NEDD4L: variants seen among roughly 807,000 people sequenced by gnomAD.
The protein encoded by NEDD4L is NEDD4 like E3 ubiquitin protein ligase.
NEDD4L carries 54 observed loss-of-function variants against 148.9 expected under a neutral mutation model. The ratio of observed to expected loss-of-function variants is 0.36; its 90% CI spans 0.29 to 0.45. The LOEUF (loss-of-function observed/expected upper bound fraction) is 0.45. NEDD4L is among the 20% of genes least tolerant of loss of function. The pLI, the probability that NEDD4L is intolerant of heterozygous loss-of-function variation, is 1.00. For missense variants in NEDD4L, 856 were observed against 1,233.8 expected, an observed-to-expected ratio of 0.69 and a Z score of 4.59; for synonymous variants, 433 against 440.7, an observed-to-expected ratio of 0.98 and a Z score of 0.22.
intron 1 of NEDD4L, among the ~76,000 whole-genome samples, chr18:58,082,102 A>ATT (rs1192932128): frequency 0.017 from 845 of 48,802 alleles, 18 homozygotes; most frequent in East Asian, 0.036. Flanking sequence ...ATATATATAT[A>ATT]TTTTTTTTTT....
At chr18:58,275,597 G>A (rs1347312567) in intron 5 of NEDD4L, among the ~76,000 whole-genome samples, 1 of 152,200 alleles carries the variant, frequency 6.6e-6, no homozygotes, top group Non-Finnish European at 1.5e-5. Context: ...CTGATACGAG[G>A]CCTTCTTCCA....
intron 1 of NEDD4L, among the ~76,000 whole-genome samples, chr18:58,142,545 A>G (rs2033666922): frequency 6.6e-6 from 1 of 152,202 alleles, no homozygotes; most frequent in South Asian, 2.1e-4. Flanking sequence ...TCCAGACCTC[A>G]GAGGATTGCT....
At chr18:58,057,428 G>A (rs948766864) in intron 1 of NEDD4L, among the ~76,000 whole-genome samples, 6 of 152,144 alleles carry the variant, frequency 3.9e-5, no homozygotes, top group East Asian at 3.9e-4. Flanking sequence ...AGCTGGGAGC[G>A]TTTGCTTTGG....
intron 1 of NEDD4L, among the ~76,000 whole-genome samples, chr18:58,110,273 G>A (rs1241692540): frequency 6.6e-6 from 1 of 152,234 alleles, no homozygotes; most frequent in Non-Finnish European, 1.5e-5. Flanking sequence ...ATCCACATGG[G>A]ATGGAAGGAT....
chr18:58,330,904 G>T lies in NEDD4L; in HGVS notation c.980G>T (p.Ser327Ile). The change falls in exon 11 of 31, where the codon AGC becomes ATC. Residue 327 changes from serine (S) to isoleucine (I), a missense_variant. Around this residue, in one of 4 missense-constraint regions of NEDD4L, gnomAD observed 367 missense variants for 422.7 expected, o/e 0.87. Coordinates refer to ENST00000400345, the MANE Select transcript of NEDD4L (RefSeq NM_001144967.3). Reference protein sequence around the residue: ...ITPDSNGEQFSSLIQREPSSR... With the variant: ...ITPDSNGEQFISLIQREPSSR... ...CCAGACTCCAATGGGGAACAGTTCAGCTCTTTGATTGTAAGTAGTGGCCTT... is the reference window on the plus strand; with the variant it reads ...CCAGACTCCAATGGGGAACAGTTCATCTCTTTGATTGTAAGTAGTGGCCTT... 3 of 1,613,422 alleles carry T rather than the reference G, an allele frequency of 1.9e-6. No individual in the cohort carries two copies. The highest frequency in any genetic ancestry group is 2.5e-6 in the Non-Finnish European group (3 of 1,179,510).
intron 1 of NEDD4L, among the ~76,000 whole-genome samples, chr18:58,135,332 C>T (rs1221281741): frequency 6.6e-6 from 1 of 152,208 alleles, no homozygotes; most frequent in Non-Finnish European, 1.5e-5. Context: ...ACTTTAGCCT[C>T]ATGTGGTAGT....
chr18:58,279,049 T>A (rs904981363), intron 5 of NEDD4L, among the ~76,000 whole-genome samples: 3 of 151,914 alleles, frequency 2.0e-5, no homozygotes, highest in South Asian at 2.1e-4. Flanking sequence ...TTTTTTTTTT[T>A]TTATTATAGT....
At chr18:58,202,303 T>C (rs367778575) in intron 2 of NEDD4L, among the ~76,000 whole-genome samples, 4 of 152,196 alleles carry the variant, frequency 2.6e-5, no homozygotes, top group South Asian at 4.1e-4. Context: ...CAGGTGATAT[T>C]CTTTCTGTTA....
At chr18:58,369,056 G>A (rs997468398) in intron 22 of NEDD4L, among the ~76,000 whole-genome samples, 3 of 152,158 alleles carry the variant, frequency 2.0e-5, no homozygotes, top group Non-Finnish European at 4.4e-5. Context: ...TTTAGCGGGG[G>A]GAAAAGAGAT....
chr18:58,052,480 T>C (rs2081917209), intron 1 of NEDD4L, among the ~76,000 whole-genome samples: 1 of 152,156 alleles, frequency 6.6e-6, no homozygotes, highest in South Asian at 2.1e-4. Flanking sequence ...AGTCCTGCAT[T>C]GATTCAAAAC....
At chr18:58,383,677 CA>C (rs1185011404) in intron 25 of NEDD4L, among the ~76,000 whole-genome samples, 1 of 152,084 alleles carries the variant, frequency 6.6e-6, no homozygotes, top group African/African-American at 2.4e-5. Flanking sequence ...TAGGAACCAA[CA>C]AAGAAAAAAT....
chr18:58,343,061 C>A lies in NEDD4L; in HGVS notation c.1533C>A (p.Gly511=), dbSNP rs779206452. 2.5e-6 allele frequency: 4 copies of A among 1,611,950 alleles called. No individual in the cohort carries two copies. The Admixed American group carries it at 5.0e-5, about 20-fold the overall frequency. The change falls in exon 16 of 31, where the codon GGC becomes GGA. Residue 511 remains glycine (G), a synonymous_variant. Transcript: ENST00000400345. ...GGGAAATGAGGATAGCGCCAAACGG[C>A]CGGCCCTTCTTCATTGATCATAACA... ...PGWEMRIAPN[G]RPFFIDHNTK... is the part of the protein sequence containing the mutation.
chr18:58,331,950 A>C (rs1568730106), intron 11 of NEDD4L, among the ~76,000 whole-genome samples: 1 of 152,256 alleles, frequency 6.6e-6, no homozygotes, highest in Non-Finnish European at 1.5e-5. Flanking sequence ...TGACTTTTTC[A>C]AAAAGAGATG....
intron 5 of NEDD4L, among the ~76,000 whole-genome samples, chr18:58,283,314 G>A (rs1047424157): frequency 5.9e-5 from 9 of 152,116 alleles, no homozygotes; most frequent in Admixed American, 5.2e-4. Flanking sequence ...GACCTCAGGT[G>A]ATCCACCCGC....
rs1468827496 is a variant in NEDD4L, at chr18:58,390,636, C to A, written c.2656-10C>A. On this transcript the variant is annotated splice_polypyrimidine_tract_variant and intron_variant, in intron 28 of 30. Coordinates refer to ENST00000400345, the MANE Select transcript of NEDD4L (RefSeq NM_001144967.3). ...TGGGGGGTATAATGACCTTCTGCCTCTGTTCATAGGCTGTGCTACTCATGG... is the reference window on the plus strand; with the variant it reads ...TGGGGGGTATAATGACCTTCTGCCTATGTTCATAGGCTGTGCTACTCATGG... The A allele has an allele frequency of 1.3e-6, 2 of 1,566,188 alleles. No individual in the cohort carries two copies. Among genetic ancestry groups the A allele is most frequent in the African/African-American group, 1.3e-5 (1 of 74,150 alleles).
intron 1 of NEDD4L, among the ~76,000 whole-genome samples, chr18:58,142,668 C>T (rs1350244060): frequency 2.0e-5 from 3 of 152,166 alleles, no homozygotes; most frequent in South Asian, 2.1e-4. Context: ...GCTGAATGAC[C>T]TGTATGTGTT....
chr18:58,055,796 C>T (rs1212778631), intron 1 of NEDD4L, among the ~76,000 whole-genome samples: 4 of 152,226 alleles, frequency 2.6e-5, no homozygotes, highest in Non-Finnish European at 5.9e-5. Flanking sequence ...TCTGTGCACT[C>T]CAGTTGCGTG....
intron 5 of NEDD4L, among the ~76,000 whole-genome samples, chr18:58,253,956 A>G (rs997372728): frequency 6.6e-6 from 1 of 151,516 alleles, no homozygotes; most frequent in Non-Finnish European, 1.5e-5. Context: ...GGCCATCTGC[A>G]GTGTGGTTAC....
At chr18:58,224,596 C>A (rs189387443) in intron 2 of NEDD4L, among the ~76,000 whole-genome samples, 3 of 152,298 alleles carry the variant, frequency 2.0e-5, no homozygotes, top group African/African-American at 7.2e-5. Flanking sequence ...AATTTGTTCT[C>A]TTTGGGCACC....
Sources: gnomAD v4.1 joint callset for allele counts (sites outside exome capture counted in the v4.1 genomes callset) on GRCh38, gnomAD v4.1.1 for gene constraint, gnomAD v4.1.1 regional missense constraint, MANE v1.5 for transcripts, NCBI Gene and HGNC (gene_info 2026-07-23, HGNC 2026-07-21) for gene names.